Variants in CDCA2 observed in about 807,000 individuals in gnomAD.
CDCA2 encodes the protein cell division cycle-associated protein 2.
A neutral mutation model predicts 67.0 loss-of-function variants in CDCA2; 44 were observed. The observed-to-expected ratio is 0.66, with a 90% CI of 0.52 to 0.84. The LOEUF (loss-of-function observed/expected upper bound fraction) is 0.84, where lower values mean the gene tolerates loss of function less well. Ranked by LOEUF, CDCA2 falls within the 40% of genes least tolerant of loss-of-function variation. The probability of loss-of-function intolerance (pLI) is 0.00; values close to 1 mark genes in which losing one functional copy is unlikely to be tolerated. For synonymous variants in CDCA2, 447 were observed against 418.7 expected (o/e 1.07, Z -0.82); for missense variants, 1,253 against 1,203.2 (o/e 1.04, Z -0.61).
At chr8:25,470,009 A>G (rs1213545927) in intron 7 of CDCA2, 29 bp downstream of exon 7, 3 of 1,419,182 alleles carry the variant, frequency 2.1e-6, no homozygotes, top group Admixed American at 1.7e-5. Context: ...GTACATGGCC[A>G]GTTGCCCGAT....
chr8:25,500,698 C>T (rs1417138185), intron 13 of CDCA2, among the ~76,000 whole-genome samples: 1 of 152,054 alleles, frequency 6.6e-6, no homozygotes, highest in Non-Finnish European at 1.5e-5. Context: ...TCATGTTTTT[C>T]CTCATATTAA....
intron 13 of CDCA2, 135 bp from the exon 14 acceptor site, chr8:25,503,236 TTG>T (rs1804542892): frequency 1.5e-6 from 1 of 655,348 alleles, no homozygotes. Context: ...TGAGCTGAGA[TTG>T]TGCCACTGCA....
In CDCA2 at chr8:25,484,032, G is replaced by T. The variant is rs760561541; in HGVS notation, c.1187G>T (p.Gly396Val). Residue 396 changes from glycine to valine, a missense_variant, in exon 10 of 15, where the codon GGA becomes GTA. Gly to Val is a moderately radical substitution (Grantham distance 109). Transcript: ENST00000330560. ...NMRKRKRVTF[G>V]EDLSPEVFDE... The stretch of plus-strand genomic sequence containing the variant: ...AGGAAGAGGAAGAGAGTTACTTTTG[G>T]AGAGGACTTAAGCCCGGAAGTGTTT... The T allele has an allele frequency of 5.6e-6, 9 of 1,614,028 alleles. No homozygotes were observed. The African/African-American group carries it at 1.2e-4, about 22-fold the overall frequency.
At chr8:25,498,741 C>T (rs1294234497) in intron 13 of CDCA2, among the ~76,000 whole-genome samples, 1 of 152,108 alleles carries the variant, frequency 6.6e-6, no homozygotes, top group East Asian at 1.9e-4. Context: ...GCCTCATCCC[C>T]TGGCAACCAC....
intron 6 of CDCA2, among the ~76,000 whole-genome samples, chr8:25,469,169 C>A (rs1022549887): frequency 6.6e-6 from 1 of 152,248 alleles, no homozygotes; most frequent in African/African-American, 2.4e-5. Context: ...AACACCGTTA[C>A]AGTTGGAACC....
intron 1 of CDCA2, 35 bp from the exon 2 acceptor site, chr8:25,460,205 G>A (rs1802623968): frequency 1.2e-6 from 2 of 1,601,570 alleles, no homozygotes; most frequent in Non-Finnish European, 8.6e-7. Context: ...TCTTGCTGGT[G>A]GGGTTATTTT....
At chr8:25,480,201 A>G (rs1270559858) in intron 8 of CDCA2, 77 bp downstream of exon 8, 6 of 1,162,432 alleles carry the variant, frequency 5.2e-6, no homozygotes, top group South Asian at 2.9e-5. Flanking sequence ...TTGAAATGTC[A>G]TATATCATGC....
chr8:25,503,620 C>CT (rs1563286279), intron 14 of CDCA2, 76 bp downstream of exon 14: 5 of 1,421,372 alleles, frequency 3.5e-6, no homozygotes, highest in Non-Finnish European at 2.9e-6. Flanking sequence ...ACTTTTTTCA[C>CT]TTTTTTCCCA....
intron 13 of CDCA2, among the ~76,000 whole-genome samples, chr8:25,489,974 C>T (rs1201451724): frequency 7.2e-5 from 11 of 152,128 alleles, no homozygotes; most frequent in Admixed American, 6.5e-4. Context: ...CAAAACATTC[C>T]GTAAACTTCC....
intron 8 of CDCA2, among the ~76,000 whole-genome samples, chr8:25,482,532 A>G (rs1803611825): frequency 1.3e-5 from 2 of 152,240 alleles, no homozygotes; most frequent in Non-Finnish European, 2.9e-5. Context: ...TAACAGCATC[A>G]TACCATACAT....
chr8:25,463,941 C>T (rs940680346), intron 4 of CDCA2, among the ~76,000 whole-genome samples: 1 of 152,178 alleles, frequency 6.6e-6, no homozygotes, highest in African/African-American at 2.4e-5. Flanking sequence ...TGACATCTTC[C>T]CTTAGACCTC....
chr8:25,488,227 C>G (rs1803858221), intron 12 of CDCA2, among the ~76,000 whole-genome samples: 1 of 151,986 alleles, frequency 6.6e-6, no homozygotes, highest in Admixed American at 6.5e-5. Flanking sequence ...CCCCATAACC[C>G]AGTAGTTAGG....
At chr8:25,505,123 T>A (rs1804626746) in intron 14 of CDCA2, among the ~76,000 whole-genome samples, 1 of 152,212 alleles carries the variant, frequency 6.6e-6, no homozygotes, top group Non-Finnish European at 1.5e-5. Context: ...CTTTCTCTTT[T>A]TCCTTTCCTC....
chr8:25,478,524 A>G, intron 7 of CDCA2, among the ~76,000 whole-genome samples: 1 of 152,152 alleles, frequency 6.6e-6, no homozygotes, highest in East Asian at 1.9e-4. Context: ...ACTTCCTGTT[A>G]TACTTAGAGA....
At chr8:25,492,772 G>A (rs1804062470) in intron 13 of CDCA2, among the ~76,000 whole-genome samples, 1 of 152,226 alleles carries the variant, frequency 6.6e-6, no homozygotes, top group African/African-American at 2.4e-5. Flanking sequence ...TAACAACTTG[G>A]TTGTTGTGCA....
At chr8:25,506,212 A>G (rs921546064) in intron 14 of CDCA2, among the ~76,000 whole-genome samples, 1 of 152,226 alleles carries the variant, frequency 6.6e-6, no homozygotes, top group African/African-American at 2.4e-5. Context: ...ACCTTGTAGC[A>G]CGGGAAGGGT....
At chr8:25,461,209 G>A (rs538741634) in intron 3 of CDCA2, among the ~76,000 whole-genome samples, 3 of 146,214 alleles carry the variant, frequency 2.1e-5, no homozygotes, top group African/African-American at 7.6e-5. Context: ...AGAGGTTACC[G>A]TGAGTCGAAA....
intron 7 of CDCA2, among the ~76,000 whole-genome samples, chr8:25,478,784 G>C (rs1046075751): frequency 1.3e-5 from 2 of 151,658 alleles, no homozygotes; most frequent in Non-Finnish European, 2.9e-5. Flanking sequence ...GGAACTCTCT[G>C]TTTACCCAAA....
intron 13 of CDCA2, among the ~76,000 whole-genome samples, chr8:25,491,565 C>G (rs1804003864): frequency 6.6e-6 from 1 of 152,188 alleles, no homozygotes; most frequent in African/African-American, 2.4e-5. Context: ...TACACCCAGC[C>G]AGTCTCAATT....
Sources: allele counts gnomAD v4.1 joint callset (sites outside exome capture counted in the v4.1 genomes callset), GRCh38; gene constraint gnomAD v4.1.1; transcripts MANE v1.5; gene names NCBI Gene and HGNC (gene_info 2026-07-23, HGNC 2026-07-21).